Variants in MOB3B observed in about 807,000 individuals in gnomAD.
MOB3B encodes the protein MOB kinase activator-like 2B.
Under a neutral mutation model 18.7 loss-of-function variants are expected in MOB3B, and 7 were observed. The ratio of observed to expected loss-of-function variants is 0.37; its 90% CI spans 0.21 to 0.70. The LOEUF (loss-of-function observed/expected upper bound fraction) is 0.70, where lower values mean the gene tolerates loss of function less well. Ranked by LOEUF, MOB3B falls within the 30% of genes least tolerant of loss-of-function variation. The pLI is 0.52. For synonymous variants in MOB3B, 111 were observed against 99.9 expected, an observed-to-expected ratio of 1.11 and a Z score of -0.66; for missense variants, 253 against 281.3, an observed-to-expected ratio of 0.90 and a Z score of 0.72.
intron 2 of MOB3B, among the ~76,000 whole-genome samples, chr9:27,419,059 G>GAAA (rs1644390628): frequency 3.4e-5 from 2 of 59,092 alleles, no homozygotes; most frequent in African/African-American, 1.2e-4. Flanking sequence ...TACGATAGCT[G>GAAA]CAAAAAAAAA....
intron 1 of MOB3B, among the ~76,000 whole-genome samples, chr9:27,465,502 C>T (rs996333804): frequency 2.0e-5 from 3 of 152,178 alleles, no homozygotes; most frequent in African/African-American, 4.8e-5. Flanking sequence ...AGTGGATCTA[C>T]CATTCTGGGG....
At chr9:27,428,589 G>T (rs976343655) in intron 2 of MOB3B, among the ~76,000 whole-genome samples, 1 of 152,182 alleles carries the variant, frequency 6.6e-6, no homozygotes, top group African/African-American at 2.4e-5. Flanking sequence ...ATTCATTGCG[G>T]TCCAAAGCCT....
At chr9:27,351,914 C>A (rs1355718881) in intron 3 of MOB3B, among the ~76,000 whole-genome samples, 1 of 152,074 alleles carries the variant, frequency 6.6e-6, no homozygotes, top group African/African-American at 2.4e-5. Context: ...CTAAAAAGCA[C>A]CCGTTTTTAG....
intron 1 of MOB3B, among the ~76,000 whole-genome samples, chr9:27,503,272 T>C (rs1054130475): frequency 3.0e-4 from 45 of 152,162 alleles, no homozygotes; most frequent in African/African-American, 1.0e-3. Context: ...AGAGGAAAAA[T>C]TGACCACGAA....
At chr9:27,363,100 T>C (rs978303970) in intron 2 of MOB3B, among the ~76,000 whole-genome samples, 1 of 152,184 alleles carries the variant, frequency 6.6e-6, no homozygotes, top group African/African-American at 2.4e-5. Context: ...ACTGATTGAT[T>C]TGAGGTGGTT....
At chr9:27,522,261 A>T (rs1162265085) in intron 1 of MOB3B, among the ~76,000 whole-genome samples, 14 of 144,562 alleles carry the variant, frequency 9.7e-5, no homozygotes, top group African/African-American at 2.8e-4. Flanking sequence ...AAAAAAAAAA[A>T]AAAAAGAAAA....
In MOB3B at chr9:27,455,669, G is replaced by T; in HGVS notation, c.-119C>A. 4 of 1,538,294 alleles carry T rather than the reference G, an allele frequency of 2.6e-6. No individual in the cohort carries two copies. Among genetic ancestry groups the T allele is most frequent in the Non-Finnish European group, 3.5e-6 (4 of 1,154,464 alleles). On this transcript the variant is annotated 5_prime_UTR_variant, in exon 2 of 4. It adds an upstream start codon to the 5' untranslated region. Coordinates refer to ENST00000262244, the MANE Select transcript of MOB3B (RefSeq NM_024761.5). ...CCAGCACTCAGGCCCCAGTCTTACAGCCTGTAGCTTTTAAGCTCTTCTAAA... is the reference window on the plus strand; with the variant it reads ...CCAGCACTCAGGCCCCAGTCTTACATCCTGTAGCTTTTAAGCTCTTCTAAA...
intron 2 of MOB3B, among the ~76,000 whole-genome samples, chr9:27,437,900 C>T (rs1822536634): frequency 6.6e-6 from 1 of 152,168 alleles, no homozygotes; most frequent in Admixed American, 6.5e-5. Context: ...CTATTCAAAA[C>T]AAAGACACAC....
chr9:27,411,417 G>C (rs1402699782), intron 2 of MOB3B, among the ~76,000 whole-genome samples: 1 of 152,230 alleles, frequency 6.6e-6, no homozygotes, highest in Non-Finnish European at 1.5e-5. Flanking sequence ...TGGGATTACA[G>C]TGTGAAGATC....
At position 27,405,093 on chromosome 9, in the gene MOB3B, C is replaced by CTTTTTTTT. The variant is rs74178386; in HGVS notation, c.419-45865_419-45858dup. Among the ~76,000 whole-genome samples, 67 of 48,418 alleles carry CTTTTTTTT rather than the reference C, an allele frequency of 1.4e-3. 12 individuals are homozygous for CTTTTTTTT. Among genetic ancestry groups the CTTTTTTTT allele is most frequent in the African/African-American group, 4.3e-3 (49 of 11,334 alleles). The allele number at this position is 48,418 out of a possible 152,430, so 31.8% of individuals were successfully genotyped here. A position where few individuals can be genotyped will look rare whatever the true frequency, so the allele number is the denominator to read the frequency against. On this transcript the variant is annotated intron_variant, in intron 2 of 3. Transcript: ENST00000262244. Reference sequence around the variant, plus strand: ...AGAAATATCTATTCAGAACCTTTGTCTTTTTTTTTTTTTTTTTTTTTTTTT... The same window carrying CTTTTTTTT: ...AGAAATATCTATTCAGAACCTTTGTCTTTTTTTTTTTTTTTTTTTTTTTTTTTTTTTTT...
At chr9:27,358,981 A>C in intron 3 of MOB3B, 53 bp downstream of exon 3, 1 of 1,564,000 alleles carries the variant, frequency 6.4e-7, no homozygotes, top group East Asian at 2.2e-5. Context: ...GCTCTGACAA[A>C]TGGCCGAGCT....
intron 1 of MOB3B, among the ~76,000 whole-genome samples, chr9:27,497,214 C>A (rs552089860): frequency 1.3e-5 from 2 of 152,168 alleles, no homozygotes; most frequent in Admixed American, 6.5e-5. Flanking sequence ...AGGCCAACTA[C>A]CTTTTGACTC....
chr9:27,428,941 G>A (rs1180777222), intron 2 of MOB3B, among the ~76,000 whole-genome samples: 3 of 152,166 alleles, frequency 2.0e-5, no homozygotes, highest in Admixed American at 1.3e-4. Flanking sequence ...ACCACCTGGT[G>A]GAACAGGGAC....
intron 3 of MOB3B, among the ~76,000 whole-genome samples, chr9:27,350,779 G>T (rs1387303163): frequency 3.9e-5 from 6 of 152,006 alleles, no homozygotes; most frequent in Non-Finnish European, 7.4e-5. Context: ...ACCACCAACA[G>T]CCGATGCCAC....
At chr9:27,400,091 T>C (rs888899291) in intron 2 of MOB3B, among the ~76,000 whole-genome samples, 1 of 152,162 alleles carries the variant, frequency 6.6e-6, no homozygotes, top group African/African-American at 2.4e-5. Flanking sequence ...CTTACATCAG[T>C]CTCTCCTGCA....
chr9:27,386,681 A>G (rs1821653860), intron 2 of MOB3B, among the ~76,000 whole-genome samples: 1 of 152,246 alleles, frequency 6.6e-6, no homozygotes, highest in African/African-American at 2.4e-5. Context: ...CTTAAGGCTC[A>G]GTCTGCCTGA....
chr9:27,392,526 C>G (rs1240081834), intron 2 of MOB3B, among the ~76,000 whole-genome samples: 1 of 152,058 alleles, frequency 6.6e-6, no homozygotes, highest in Non-Finnish European at 1.5e-5. Context: ...CTAACTCTCA[C>G]TCATTTCATA....
chr9:27,368,320 A>G lies in MOB3B; in HGVS notation c.419-9084T>C, dbSNP rs569190912. On this transcript the variant is annotated intron_variant, in intron 2 of 3. Coordinates refer to ENST00000262244, the MANE Select transcript of MOB3B (RefSeq NM_024761.5). ...CCTCCTGCTCTCTGTCTATATATAT[A>G]CATACATATACATATATATACACAC... Among the ~76,000 whole-genome samples the G allele has an allele frequency of 2.6e-5, 4 of 151,038 alleles. No individual in the cohort carries two copies. In the East Asian group the frequency reaches 5.8e-4, roughly 22 times the overall value.
intron 2 of MOB3B, chr9:27,394,360 A>C (rs752822227): frequency 1.3e-5 from 2 of 152,184 alleles, no homozygotes; most frequent in Non-Finnish European, 2.9e-5. Flanking sequence ...AAAACATGTC[A>C]GGAAGTCTCT....
Sources: allele counts gnomAD v4.1 joint callset (sites outside exome capture counted in the v4.1 genomes callset), GRCh38; gene constraint gnomAD v4.1.1; transcripts MANE v1.5; gene names NCBI Gene and HGNC (gene_info 2026-07-23, HGNC 2026-07-21).